QTMAN: variants seen among roughly 807,000 people sequenced by gnomAD.
QTMAN encodes tRNA-queuosine alpha-mannosyltransferase.
chr2:144,157,098 C>T, the QTMAN span, among the ~76,000 whole-genome samples: 4 of 152,002 alleles, frequency 2.6e-5, no homozygotes, highest in East Asian at 3.9e-4. Context: ...AATGAAAATG[C>T]TCTCTAGTTA....
chr2:144,189,540 G>A, the QTMAN span, among the ~76,000 whole-genome samples: 47 of 152,232 alleles, frequency 3.1e-4, no homozygotes, highest in African/African-American at 5.8e-4. Flanking sequence ...GCAATTGGTC[G>A]CTTTTATTGA....
the QTMAN span, among the ~76,000 whole-genome samples, chr2:144,293,762 A>G: frequency 6.6e-6 from 1 of 152,244 alleles, no homozygotes; most frequent in South Asian, 2.1e-4. Context: ...AACAGATTTA[A>G]GCTAAAAGAA....
chr2:144,164,409 T>C, the QTMAN span, among the ~76,000 whole-genome samples: 11 of 152,118 alleles, frequency 7.2e-5, no homozygotes, highest in Non-Finnish European at 1.6e-4. Context: ...TTATTATTAT[T>C]AAATTGTTTT....
chr2:144,066,082 T>A, the QTMAN span, among the ~76,000 whole-genome samples: 288 of 152,162 alleles, frequency 1.9e-3, no homozygotes, highest in Non-Finnish European at 2.9e-3. Context: ...ATCTTCTGCA[T>A]GCTGTGGATT....
chr2:144,253,553 T>G, the QTMAN span, among the ~76,000 whole-genome samples: 3,406 of 152,190 alleles, frequency 0.022, 53 homozygotes, highest in Middle Eastern at 0.041. Flanking sequence ...CAGATGGAGA[T>G]GAGGAACTTG....
chr2:144,269,911 T>C, the QTMAN span, among the ~76,000 whole-genome samples: 1 of 151,858 alleles, frequency 6.6e-6, no homozygotes, highest in Admixed American at 6.6e-5. Flanking sequence ...AAATATAAAT[T>C]ACATTTGTAA....
At chr2:144,049,671 T>A in the QTMAN span, among the ~76,000 whole-genome samples, 4 of 152,144 alleles carry the variant, frequency 2.6e-5, no homozygotes, top group Non-Finnish European at 5.9e-5. Context: ...ATAGACATAG[T>A]CTATACAAAC....
chr2:143,990,303 T>C, the QTMAN span, among the ~76,000 whole-genome samples: 3 of 152,116 alleles, frequency 2.0e-5, no homozygotes, highest in African/African-American at 7.2e-5. Flanking sequence ...AAATTCTACA[T>C]ATTAATGGGC....
the QTMAN span, among the ~76,000 whole-genome samples, chr2:144,259,374 G>A: frequency 6.6e-6 from 1 of 152,224 alleles, no homozygotes; most frequent in South Asian, 2.1e-4. Context: ...AGCCAGGCTG[G>A]TCTCAAACTT....
the QTMAN span, among the ~76,000 whole-genome samples, chr2:144,193,382 TTAC>T: frequency 2.0e-5 from 3 of 149,168 alleles, no homozygotes; most frequent in South Asian, 2.1e-4. Context: ...TTTTAATCCA[TTAC>T]TACACCTATT....
chr2:144,211,072 T>G, the QTMAN span: 2 of 152,312 alleles, frequency 1.3e-5, no homozygotes, highest in East Asian at 3.9e-4. Context: ...CTTCATCATC[T>G]TGTCCTTTTC....
the QTMAN span, among the ~76,000 whole-genome samples, chr2:144,331,947 G>A: frequency 6.6e-6 from 1 of 152,188 alleles, no homozygotes; most frequent in Non-Finnish European, 1.5e-5. Flanking sequence ...ACTGCAAGGG[G>A]CCAAGCGCCG....
the QTMAN span, among the ~76,000 whole-genome samples, chr2:144,328,030 C>A: frequency 3.9e-5 from 6 of 152,166 alleles, no homozygotes; most frequent in African/African-American, 1.4e-4. Flanking sequence ...CGGCTCACTG[C>A]AACCTCCACC....
the QTMAN span, chr2:143,939,994 A>C: frequency 1.3e-5 from 2 of 152,198 alleles, no homozygotes; most frequent in African/African-American, 4.8e-5. Flanking sequence ...CAAGAGCTTA[A>C]TACTTGCCCG....
the QTMAN span, among the ~76,000 whole-genome samples, chr2:144,303,803 G>T: frequency 2.0e-5 from 3 of 152,202 alleles, no homozygotes; most frequent in South Asian, 6.2e-4. Context: ...TGGCAGCAAT[G>T]AACTATGATC....
chr2:144,042,427 T>G, the QTMAN span, among the ~76,000 whole-genome samples: 3 of 151,624 alleles, frequency 2.0e-5, no homozygotes, highest in African/African-American at 4.9e-5. Flanking sequence ...AAAGCAGAGA[T>G]AAGAAAGAGG....
chr2:144,049,750 G>A, the QTMAN span, among the ~76,000 whole-genome samples: 1 of 152,128 alleles, frequency 6.6e-6, no homozygotes, highest in African/African-American at 2.4e-5. Flanking sequence ...ATTCAGAATA[G>A]AGTCATACAT....
At chr2:143,963,246 G>A in the QTMAN span, among the ~76,000 whole-genome samples, 3 of 152,070 alleles carry the variant, frequency 2.0e-5, no homozygotes, top group Non-Finnish European at 4.4e-5. Flanking sequence ...TAAGAATTCA[G>A]TAGATTACTG....
the QTMAN span, among the ~76,000 whole-genome samples, chr2:144,281,724 C>A: frequency 2.0e-5 from 3 of 152,258 alleles, no homozygotes; most frequent in African/African-American, 7.2e-5. Context: ...AGCATGCTTG[C>A]ATATAGACCA....
Sources: allele counts gnomAD v4.1 joint callset (sites outside exome capture counted in the v4.1 genomes callset), GRCh38; gene constraint gnomAD v4.1.1; transcripts MANE v1.5; gene names NCBI Gene and HGNC (gene_info 2026-07-23, HGNC 2026-07-21).